Variants in NCKAP5 observed in about 807,000 individuals in gnomAD.
The protein encoded by NCKAP5 is nck-associated protein 5.
NCKAP5 carries 92 observed loss-of-function variants against 167.0 expected under a neutral mutation model. The ratio of observed to expected loss-of-function variants is 0.55; its 90% CI spans 0.47 to 0.66. The LOEUF is 0.66. Ranked by LOEUF, NCKAP5 falls within the 30% of genes least tolerant of loss-of-function variation. The probability of loss-of-function intolerance (pLI) is 0.00; values close to 1 mark genes in which losing one functional copy is unlikely to be tolerated. For missense variants in NCKAP5, 2,378 were observed against 2,315.0 expected, an observed-to-expected ratio of 1.03 and a Z score of -0.56; for synonymous variants, 891 against 877.4, an observed-to-expected ratio of 1.02 and a Z score of -0.27.
intron 4 of NCKAP5, among the ~76,000 whole-genome samples, chr2:133,218,893 A>G (rs1225548055): frequency 6.6e-6 from 1 of 152,228 alleles, no homozygotes; most frequent in Non-Finnish European, 1.5e-5. Context: ...TCAATTTGAA[A>G]GAAAACCATA....
intron 3 of NCKAP5, among the ~76,000 whole-genome samples, chr2:133,320,492 G>A (rs1282151608): frequency 2.6e-5 from 4 of 152,182 alleles, no homozygotes; most frequent in Admixed American, 1.3e-4. Flanking sequence ...ACTTTGGGAG[G>A]CCAAGGTGGG....
chr2:133,206,051 C>T (rs1450055662), intron 5 of NCKAP5, among the ~76,000 whole-genome samples: 4 of 151,982 alleles, frequency 2.6e-5, no homozygotes, highest in African/African-American at 9.7e-5. Flanking sequence ...TTTCTTACTC[C>T]AGTAGCTAGG....
intron 5 of NCKAP5, among the ~76,000 whole-genome samples, chr2:133,166,436 A>G (rs2084005016): frequency 1.3e-5 from 2 of 152,194 alleles, no homozygotes; most frequent in African/African-American, 4.8e-5. Flanking sequence ...GAGTGGTTAA[A>G]ACATCTTTTA....
chr2:133,238,216 A>T (rs909225122), intron 4 of NCKAP5, among the ~76,000 whole-genome samples: 3 of 152,206 alleles, frequency 2.0e-5, no homozygotes, highest in African/African-American at 4.8e-5. Flanking sequence ...CTTATAAAAC[A>T]ATATATCTGT....
intron 3 of NCKAP5, among the ~76,000 whole-genome samples, chr2:133,363,877 G>C (rs1404949672): frequency 6.6e-6 from 1 of 152,128 alleles, no homozygotes; most frequent in African/African-American, 2.4e-5. Context: ...TTTAACTGTT[G>C]TAACAGACTT....
chr2:133,194,317 T>C (rs1197963443), intron 5 of NCKAP5, among the ~76,000 whole-genome samples: 1 of 151,984 alleles, frequency 6.6e-6, no homozygotes, highest in African/African-American at 2.4e-5. Flanking sequence ...TGTAATCCTA[T>C]GATTTTTACC....
At chr2:132,778,144 G>C (rs915834895) in intron 15 of NCKAP5, among the ~76,000 whole-genome samples, 4 of 151,972 alleles carry the variant, frequency 2.6e-5, no homozygotes, top group Non-Finnish European at 5.9e-5. Context: ...TACCAAAGCA[G>C]TCTTTCTAGG....
rs563807160 is a variant in NCKAP5 at position 133,188,831 on chromosome 2, A to C, written c.207+24885T>G. On this transcript the variant is annotated intron_variant, in intron 5 of 19. Coordinates refer to ENST00000409261, the MANE Select transcript of NCKAP5 (RefSeq NM_207363.3). ...GCACTAAATGCCCACAAGAGAAAGC[A>C]GGAAATATCTAAAATTGACACCCTA... is the stretch of plus-strand genomic sequence containing the variant. Among the ~76,000 whole-genome samples the C allele has an allele frequency of 9.2e-5, 14 of 152,280 alleles. No homozygotes were observed. In the South Asian group the frequency reaches 2.9e-3, roughly 32 times the overall value.
chr2:133,545,362 C>T (rs1403723055), intron 2 of NCKAP5, among the ~76,000 whole-genome samples: 1 of 152,130 alleles, frequency 6.6e-6, no homozygotes, highest in Non-Finnish European at 1.5e-5. Flanking sequence ...AGCTGGCTGA[C>T]GCGTTTGGTC....
intron 19 of NCKAP5, among the ~76,000 whole-genome samples, chr2:132,720,854 T>G (rs1365960740): frequency 6.6e-6 from 1 of 151,030 alleles, no homozygotes; most frequent in Non-Finnish European, 1.5e-5. Flanking sequence ...ACCAAAAAAA[T>G]ACAAAAATTA....
chr2:133,216,639 G>GA (rs1316652244), intron 4 of NCKAP5, among the ~76,000 whole-genome samples: 2 of 152,012 alleles, frequency 1.3e-5, no homozygotes, highest in African/African-American at 4.8e-5. Flanking sequence ...ACTATTTAGT[G>GA]AAAAAAGTAG....
chr2:132,806,765 T>G (rs1228714086), intron 11 of NCKAP5, among the ~76,000 whole-genome samples: 1 of 152,226 alleles, frequency 6.6e-6, no homozygotes, highest in Non-Finnish European at 1.5e-5. Context: ...GCAAATTTCT[T>G]TAGTTTAATT....
At chr2:133,068,050 A>G (rs964951475) in intron 6 of NCKAP5, among the ~76,000 whole-genome samples, 5 of 152,164 alleles carry the variant, frequency 3.3e-5, no homozygotes, top group Admixed American at 6.5e-5. Context: ...AGAGAGAGGT[A>G]GCTATCTTCC....
At chr2:133,662,782 T>C in the NCKAP5 span, among the ~76,000 whole-genome samples, 1 of 151,522 alleles carries the variant, frequency 6.6e-6, no homozygotes, top group South Asian at 2.1e-4. Context: ...AGGCATACCA[T>C]GGAGATATTG....
chr2:133,090,151 G>A (rs900842764), intron 6 of NCKAP5, among the ~76,000 whole-genome samples: 2 of 150,978 alleles, frequency 1.3e-5, no homozygotes, highest in African/African-American at 4.9e-5. Context: ...AGGATCTCTT[G>A]AGCCCAGCAG....
At chr2:133,220,683 T>TA (rs968605522) in intron 4 of NCKAP5, among the ~76,000 whole-genome samples, 243 of 151,252 alleles carry the variant, frequency 1.6e-3, no homozygotes, top group African/African-American at 5.7e-3. Context: ...TTTGCATGTT[T>TA]AAAAAAAAAG....
At chr2:132,723,390 C>T (rs937524480) in intron 19 of NCKAP5, among the ~76,000 whole-genome samples, 22 of 151,210 alleles carry the variant, frequency 1.5e-4, no homozygotes, top group African/African-American at 4.9e-4. Flanking sequence ...TCTCGAACTC[C>T]TGACCTTGTG....
intron 8 of NCKAP5, among the ~76,000 whole-genome samples, chr2:132,919,745 C>G (rs1695165021): frequency 6.6e-6 from 1 of 152,074 alleles, no homozygotes; most frequent in Admixed American, 6.6e-5. Context: ...AATATGATCT[C>G]TAGAAGATGA....
At chr2:132,830,704 C>T (rs1009552314) in intron 11 of NCKAP5, among the ~76,000 whole-genome samples, 6 of 152,124 alleles carry the variant, frequency 3.9e-5, no homozygotes, top group African/African-American at 1.2e-4. Flanking sequence ...CCCTTCTGAC[C>T]GATCACTTCC....
Sources: gnomAD v4.1 joint callset for allele counts (sites outside exome capture counted in the v4.1 genomes callset) on GRCh38, gnomAD v4.1.1 for gene constraint, MANE v1.5 for transcripts, NCBI Gene and HGNC (gene_info 2026-07-23, HGNC 2026-07-21) for gene names.